TBCD: variants seen among roughly 807,000 people sequenced by gnomAD.
The protein encoded by TBCD is tubulin-specific chaperone D.
A neutral mutation model predicts 169.3 loss-of-function variants in TBCD; 105 were observed. That is an observed-to-expected ratio of 0.62 (90% confidence interval 0.53 to 0.73). The LOEUF (loss-of-function observed/expected upper bound fraction) is 0.73. TBCD is among the 30% of genes least tolerant of loss of function. The pLI, the probability that TBCD is intolerant of heterozygous loss-of-function variation, is 0.00. For missense variants in TBCD, 1,444 were observed against 1,600.1 expected, an observed-to-expected ratio of 0.90 and a Z score of 1.66; for synonymous variants, 700 against 643.9, an observed-to-expected ratio of 1.09 and a Z score of -1.32.
intron 12 of TBCD, among the ~76,000 whole-genome samples, chr17:82,810,479 G>T (rs1034510789): frequency 6.6e-6 from 1 of 152,192 alleles, no homozygotes; most frequent in Non-Finnish European, 1.5e-5. Context: ...CGTGTGCTGT[G>T]CCGCATTTCT....
In TBCD at chr17:82,889,663, C is replaced by T. The variant is rs746835668; in HGVS notation, c.1534-5C>T. 10 of 1,613,864 alleles carry T rather than the reference C, an allele frequency of 6.2e-6. No individual in the cohort carries two copies. Among genetic ancestry groups the T allele is most frequent in the South Asian group, 2.2e-5 (2 of 91,056 alleles). On this transcript the variant is annotated splice_polypyrimidine_tract_variant and splice_region_variant and intron_variant, in intron 15 of 38. Transcript: ENST00000355528. This position sits in a 1 kb window ranked among gnomAD's most constrained non-coding sequence, Gnocchi z 5.3. ...CACCTGCTGTGTTTGTTCTTTGCTC[C>T]GCAGGCCGCCTTCCAGGAGAATGTG... is the stretch of plus-strand genomic sequence containing the variant.
intron 7 of TBCD, among the ~76,000 whole-genome samples, chr17:82,791,555 C>T (rs1048444353): frequency 2.0e-5 from 3 of 152,126 alleles, no homozygotes; most frequent in South Asian, 2.1e-4. Context: ...CACACCTGAA[C>T]GGGAGCACAG....
At chr17:82,778,018 C>T (rs959446047) in intron 6 of TBCD, among the ~76,000 whole-genome samples, 3 of 152,254 alleles carry the variant, frequency 2.0e-5, no homozygotes, top group African/African-American at 4.8e-5. Flanking sequence ...AAGGCTCGCA[C>T]TCTTGTCTTC....
In TBCD at chr17:82,835,026, G is replaced by A. The variant is rs1313764929; in HGVS notation, c.1318+20092G>A. 3.9e-5 allele frequency among the ~76,000 whole-genome samples: 6 copies of A among 152,082 alleles called. No homozygotes were observed. The highest frequency in any genetic ancestry group is 7.2e-5 in the African/African-American group (3 of 41,392). On this transcript the variant is annotated intron_variant, in intron 13 of 38. Coordinates refer to ENST00000355528, the MANE Select transcript of TBCD (RefSeq NM_005993.5). This position sits in a 1 kb window ranked among gnomAD's most constrained non-coding sequence, Gnocchi z 4.5. ...TGCAGGGAGCTGTCATCCCACCACCGCACTGCAGCCTGGTGGGCAACAGAA... is the reference window on the plus strand; with the variant it reads ...TGCAGGGAGCTGTCATCCCACCACCACACTGCAGCCTGGTGGGCAACAGAA...
At chr17:82,882,921 G>T (rs73366929) in intron 14 of TBCD, among the ~76,000 whole-genome samples, 1,797 of 152,264 alleles carry the variant, frequency 0.012, 34 homozygotes, top group African/African-American at 0.041. Flanking sequence ...CGCGCTGCCA[G>T]GCTGGAGCGG....
chr17:82,772,723 G>A (rs2048369226), intron 6 of TBCD, among the ~76,000 whole-genome samples: 1 of 152,232 alleles, frequency 6.6e-6, no homozygotes, highest in African/African-American at 2.4e-5. Flanking sequence ...TTGGGGTGCT[G>A]GTGGGGGTCA....
intron 5 of TBCD, among the ~76,000 whole-genome samples, chr17:82,771,561 G>A (rs559066201): frequency 6.6e-6 from 1 of 152,276 alleles, no homozygotes; most frequent in Non-Finnish European, 1.5e-5. Context: ...TGGGATTACA[G>A]GCATGTGCCA....
At chr17:82,829,072 GCA>G (rs1355741586) in intron 13 of TBCD, among the ~76,000 whole-genome samples, 2 of 141,062 alleles carry the variant, frequency 1.4e-5, no homozygotes, top group Admixed American at 7.2e-5. Context: ...CCCACAGATA[GCA>G]CACACGCACA....
At chr17:82,862,113 G>T (rs991069630) in intron 13 of TBCD, among the ~76,000 whole-genome samples, 3 of 151,928 alleles carry the variant, frequency 2.0e-5, no homozygotes, top group South Asian at 2.1e-4. Flanking sequence ...TAGTAGAGAC[G>T]GGGTTTCACC....
intron 13 of TBCD, among the ~76,000 whole-genome samples, chr17:82,850,728 A>G (rs1226764386): frequency 6.6e-6 from 1 of 152,150 alleles, no homozygotes; most frequent in African/African-American, 2.4e-5. Context: ...TTTGGCCCCC[A>G]TGGCCTCATC....
intron 14 of TBCD, among the ~76,000 whole-genome samples, chr17:82,883,246 G>A (rs531184835): frequency 7.8e-4 from 119 of 152,372 alleles, no homozygotes; most frequent in African/African-American, 2.8e-3. Flanking sequence ...AGGCGCTGGC[G>A]GCCTTGGAGG....
chr17:82,859,449 G>A, intron 13 of TBCD: 7 of 668,580 alleles, frequency 1.0e-5, no homozygotes, highest in Non-Finnish European at 1.3e-5. Flanking sequence ...AGTCTCGTGG[G>A]TCGTCTGGCC....
At chr17:82,872,211 C>T (rs1256241935) in intron 14 of TBCD, among the ~76,000 whole-genome samples, 2 of 152,230 alleles carry the variant, frequency 1.3e-5, no homozygotes, top group Non-Finnish European at 2.9e-5. Flanking sequence ...TGAACACGCA[C>T]GTCCCTCTTG....
chr17:82,926,562 G>A, intron 28 of TBCD, 71 bp downstream of exon 28: 2 of 1,352,750 alleles, frequency 1.5e-6, no homozygotes, highest in South Asian at 1.2e-5. Flanking sequence ...TAAGGGGGAT[G>A]TTTTTGCTCA....
intron 9 of TBCD, among the ~76,000 whole-genome samples, chr17:82,803,414 G>A (rs1368435778): frequency 6.6e-6 from 1 of 152,232 alleles, no homozygotes; most frequent in Non-Finnish European, 1.5e-5. Flanking sequence ...TCTGACAGGT[G>A]CGTCTGAGTC....
intron 13 of TBCD, among the ~76,000 whole-genome samples, chr17:82,815,577 A>T (rs1051007875): frequency 6.6e-6 from 1 of 152,244 alleles, no homozygotes; most frequent in Non-Finnish European, 1.5e-5. Context: ...CCGTGGCCAC[A>T]CGCAGCCCTG....
chr17:82,871,322 T>C (rs902694763), intron 14 of TBCD, among the ~76,000 whole-genome samples: 1 of 152,216 alleles, frequency 6.6e-6, no homozygotes, highest in African/African-American at 2.4e-5. Context: ...ATGAGTTCTT[T>C]TGTGCTGAAG....
chr17:82,936,335 G>A (rs942100887), intron 34 of TBCD, among the ~76,000 whole-genome samples: 1 of 152,214 alleles, frequency 6.6e-6, no homozygotes, highest in Non-Finnish European at 1.5e-5. Context: ...TGTCTCGCGT[G>A]TTTCCACGTC....
At position 82,752,100 on chromosome 17, in the gene TBCD, T is replaced by C; in HGVS notation, c.-94T>C. On this transcript the variant is annotated 5_prime_UTR_variant, in exon 1 of 39. Coordinates refer to ENST00000355528, the MANE Select transcript of TBCD (RefSeq NM_005993.5). Reference sequence around the variant, plus strand: ...GTTGCCGCCTTAGCGGGCGCCTCCTTTTCATCCCTCATCCTTCATCCCTGG... The same window carrying C: ...GTTGCCGCCTTAGCGGGCGCCTCCTCTTCATCCCTCATCCTTCATCCCTGG... 7.5e-7 allele frequency: 1 copy of C among 1,328,460 alleles called. No individual in the cohort carries two copies. Among genetic ancestry groups the C allele is most frequent in the Non-Finnish European group, 9.7e-7 (1 of 1,028,182 alleles). The allele number at this position is 1,328,460 out of a possible 1,614,324, so 82.3% of individuals were successfully genotyped here.
Sources: gnomAD v4.1 joint callset for allele counts (sites outside exome capture counted in the v4.1 genomes callset) on GRCh38, gnomAD v4.1.1 for gene constraint, Gnocchi (gnomAD v3.1) non-coding constraint, MANE v1.5 for transcripts, NCBI Gene and HGNC (gene_info 2026-07-23, HGNC 2026-07-21) for gene names.